Variants in ASIC2 observed in about 807,000 individuals in gnomAD.
The protein encoded by ASIC2 is acid sensing ion channel subunit 2.
A neutral mutation model predicts 57.3 loss-of-function variants in ASIC2; 25 were observed. The ratio of observed to expected loss-of-function variants is 0.44; its 90% CI spans 0.32 to 0.61. The LOEUF is 0.61. Ranked by LOEUF, ASIC2 falls within the 20% of genes least tolerant of loss-of-function variation. The pLI is 0.06. For synonymous variants in ASIC2, 319 were observed against 307.5 expected, an observed-to-expected ratio of 1.04 and a Z score of -0.39; for missense variants, 641 against 738.1, an observed-to-expected ratio of 0.87 and a Z score of 1.52.
chr17:34,144,429 C>T (rs1439474861), intron 1 of ASIC2, among the ~76,000 whole-genome samples: 6 of 152,196 alleles, frequency 3.9e-5, no homozygotes, highest in African/African-American at 1.2e-4. Context: ...CTTCCTGATA[C>T]TACACTGTCA....
rs113663094 is a variant in ASIC2 at position 33,773,656 on chromosome 17, G to GTT, written c.555+382320_555+382321dup. 6.9e-3 allele frequency among the ~76,000 whole-genome samples: 951 copies of GTT among 136,936 alleles called. 9 individuals are homozygous for GTT. Among genetic ancestry groups the GTT allele is most frequent in the Non-Finnish European group, 8.7e-3 (559 of 64,238 alleles). The allele number at this position is 136,936 out of a possible 152,430, so 89.8% of individuals were successfully genotyped here. A position where few individuals can be genotyped will look rare whatever the true frequency, so the allele number is the denominator to read the frequency against. ...TCCTCTTCCACAGTTTAGTCTCTCTGTTTTTTTTTTTTTTTTGAGACAGAG... is the reference window on the plus strand; with the variant it reads ...TCCTCTTCCACAGTTTAGTCTCTCTGTTTTTTTTTTTTTTTTTTGAGACAGAG... On this transcript the variant is annotated intron_variant, in intron 1 of 9. Coordinates refer to the ASIC2 transcript ENST00000359872.
intron 1 of ASIC2, among the ~76,000 whole-genome samples, chr17:33,702,884 C>T (rs1277060014): frequency 1.3e-5 from 2 of 152,144 alleles, no homozygotes; most frequent in Non-Finnish European, 2.9e-5. Context: ...GTACCAGGAA[C>T]TAGGGGCATT....
intron 1 of ASIC2, among the ~76,000 whole-genome samples, chr17:34,061,961 A>T (rs1429509641): frequency 6.6e-6 from 1 of 152,198 alleles, no homozygotes; most frequent in African/African-American, 2.4e-5. Context: ...AGCACTAGAC[A>T]GGTCATCAAG....
intron 1 of ASIC2, among the ~76,000 whole-genome samples, chr17:33,798,629 C>T (rs148044091): frequency 1.3e-5 from 2 of 152,204 alleles, no homozygotes; most frequent in East Asian, 1.9e-4. Context: ...TGTTCTGTGC[C>T]GATGGAGGAA....
At chr17:33,664,618 A>G (rs774125624) in intron 1 of ASIC2, among the ~76,000 whole-genome samples, 39 of 152,180 alleles carry the variant, frequency 2.6e-4, no homozygotes, top group Non-Finnish European at 3.7e-4. Flanking sequence ...CAAGTGTCAC[A>G]TATGGTCCCC....
intron 1 of ASIC2, among the ~76,000 whole-genome samples, chr17:33,437,597 C>T (rs1911671851): frequency 6.6e-6 from 1 of 152,060 alleles, no homozygotes; most frequent in South Asian, 2.1e-4. Flanking sequence ...AGGTCAGGAG[C>T]TCAAGACCAG....
chr17:33,477,417 C>T (rs1320488353), intron 1 of ASIC2, among the ~76,000 whole-genome samples: 1 of 152,194 alleles, frequency 6.6e-6, no homozygotes, highest in African/African-American at 2.4e-5. Context: ...GGCTCTGTCC[C>T]TGCCTGGCTA....
chr17:33,344,185 C>T (rs191673564), intron 1 of ASIC2, among the ~76,000 whole-genome samples: 185 of 152,330 alleles, frequency 1.2e-3, no homozygotes, highest in Non-Finnish European at 2.1e-3. Context: ...ATGCATTCCC[C>T]AGTGCCCAAT....
At chr17:33,506,840 C>T (rs1483632584) in intron 1 of ASIC2, among the ~76,000 whole-genome samples, 1 of 152,164 alleles carries the variant, frequency 6.6e-6, no homozygotes, top group Non-Finnish European at 1.5e-5. Context: ...GCGGCAGATG[C>T]TCAATAAATA....
chr17:33,431,159 TCGTGGGTCTGTGGCAA>T, intron 1 of ASIC2, among the ~76,000 whole-genome samples: 1 of 152,198 alleles, frequency 6.6e-6, no homozygotes, highest in East Asian at 1.9e-4. Flanking sequence ...CCCACTCCAT[TCGTGGGTCTGTGGCAA>T]CGTCTAAAAG....
chr17:34,040,273 G>C (rs945688192), intron 1 of ASIC2, among the ~76,000 whole-genome samples: 1 of 149,850 alleles, frequency 6.7e-6, no homozygotes, highest in Non-Finnish European at 1.5e-5. Flanking sequence ...TGTCGGAACC[G>C]CTGGTGCCCA....
chr17:33,367,673 T>A (rs1327097210), intron 1 of ASIC2, among the ~76,000 whole-genome samples: 1 of 152,178 alleles, frequency 6.6e-6, no homozygotes, highest in African/African-American at 2.4e-5. Context: ...CTCAGCATCA[T>A]TAACAGGCTT....
chr17:33,799,438 C>CT (rs1314631429), intron 1 of ASIC2, among the ~76,000 whole-genome samples: 1 of 46,038 alleles, frequency 2.2e-5, no homozygotes, highest in Admixed American at 2.4e-4. Context: ...TTCTTTCTTT[C>CT]TTTCTTTCTT....
rs973811262 is a variant in ASIC2 at position 33,806,090 on chromosome 17, G to A, written c.555+349888C>T. ...CCCGCAGGGGCTCCCATGTCCCAGC[G>A]AAACACCGGAAAGCACCCACATTCA... On this transcript the variant is annotated intron_variant, in intron 1 of 9. Transcript: ENST00000359872. Among the ~76,000 whole-genome samples the A allele has an allele frequency of 2.3e-4, 29 of 126,116 alleles. 1 individual carries two copies. The highest frequency in any genetic ancestry group is 7.3e-3 in the Middle Eastern group (2 of 274). 82.7% of individuals were successfully genotyped at this position (126,116 alleles called of 152,430 possible). A position where few individuals can be genotyped will look rare whatever the true frequency, so the allele number is the denominator to read the frequency against.
At chr17:33,643,076 A>G (rs1397797032) in intron 1 of ASIC2, among the ~76,000 whole-genome samples, 1 of 152,200 alleles carries the variant, frequency 6.6e-6, no homozygotes, top group African/African-American at 2.4e-5. Context: ...GACCCACAGT[A>G]GGAAATACAT....
chr17:33,677,628 T>G (rs1267056821), intron 1 of ASIC2, among the ~76,000 whole-genome samples: 1 of 152,152 alleles, frequency 6.6e-6, no homozygotes, highest in African/African-American at 2.4e-5. Context: ...CGGATGGCTT[T>G]GAGGAGTTCA....
At chr17:33,074,684 C>T (rs2141953157) in intron 3 of ASIC2, among the ~76,000 whole-genome samples, 1 of 152,304 alleles carries the variant, frequency 6.6e-6, no homozygotes, top group Non-Finnish European at 1.5e-5. Flanking sequence ...CAATTCTAGG[C>T]TGTATCACTT....
chr17:33,427,614 A>G (rs1378998895), intron 1 of ASIC2, among the ~76,000 whole-genome samples: 1 of 152,208 alleles, frequency 6.6e-6, no homozygotes, highest in African/African-American at 2.4e-5. Flanking sequence ...CTTTAAATCT[A>G]TTAAAGGGGA....
intron 1 of ASIC2, among the ~76,000 whole-genome samples, chr17:33,819,610 A>T (rs945083472): frequency 2.3e-4 from 35 of 152,196 alleles, no homozygotes; most frequent in Admixed American, 2.0e-3. Flanking sequence ...AACATCAGGG[A>T]TCATTGCAGT....
Sources: allele counts gnomAD v4.1 joint callset (sites outside exome capture counted in the v4.1 genomes callset), GRCh38; gene constraint gnomAD v4.1.1; transcripts MANE v1.5; gene names NCBI Gene and HGNC (gene_info 2026-07-23, HGNC 2026-07-21).